Variants in TIAM1 observed in about 807,000 individuals in gnomAD.
TIAM1 encodes rho guanine nucleotide exchange factor TIAM1.
A neutral mutation model predicts 163.5 loss-of-function variants in TIAM1; 65 were observed. The observed-to-expected ratio is 0.40, with a 90% CI of 0.33 to 0.49. TIAM1 has a LOEUF of 0.49. Among genes scored for constraint, TIAM1 ranks in the 20% least tolerant of loss-of-function variants. The pLI is 0.77. For synonymous variants in TIAM1, 833 were observed against 810.1 expected, an observed-to-expected ratio of 1.03 and a Z score of -0.48; for missense variants, 1,789 against 2,044.7, an observed-to-expected ratio of 0.87 and a Z score of 2.41.
At position 31,175,085 on chromosome 21, in the gene TIAM1, G is replaced by A. The variant is rs149065152; in HGVS notation, c.2887+7336C>T. Reference sequence around the variant, plus strand: ...AGCTGCCTGAGTAGCTGGGACTACCGGTGCACACCACCACGCCTGGCTAAT... The same window carrying A: ...AGCTGCCTGAGTAGCTGGGACTACCAGTGCACACCACCACGCCTGGCTAAT... On this transcript the variant is annotated intron_variant, in intron 15 of 27. Transcript: ENST00000541036. Among the ~76,000 whole-genome samples the A allele has an allele frequency of 1.6e-3, 243 of 152,262 alleles. 4 individuals carry two copies. In the East Asian group the frequency reaches 0.036, roughly 23 times the overall value.
intron 15 of TIAM1, among the ~76,000 whole-genome samples, chr21:31,181,843 A>AGT (rs1411306013): frequency 7.8e-6 from 1 of 128,022 alleles, no homozygotes; most frequent in African/African-American, 3.0e-5. Flanking sequence ...GGAATGCAGC[A>AGT]GTGCAATCAC....
chr21:31,460,116 A>G (rs1352463599), intron 2 of TIAM1, among the ~76,000 whole-genome samples: 4 of 152,178 alleles, frequency 2.6e-5, no homozygotes, highest in Admixed American at 6.5e-5. Flanking sequence ...GTAGACTCCA[A>G]CTCCCCAGGA....
At position 31,193,330 on chromosome 21, in the gene TIAM1, A is replaced by T. The variant is rs374893066; in HGVS notation, c.2575+1894T>A. 3.9e-5 allele frequency among the ~76,000 whole-genome samples: 6 copies of T among 152,094 alleles called. No individual in the cohort carries two copies. The South Asian group carries it at 1.0e-3, about 26-fold the overall frequency. On this transcript the variant is annotated intron_variant, in intron 13 of 27. Transcript: ENST00000541036. The stretch of plus-strand genomic sequence containing the variant: ...CCTAAACTGTGGTACAAACAATGGG[A>T]TTTATGGTGAACGCCTACTTTCCTC...
chr21:31,323,015 C>T (rs143434151), intron 2 of TIAM1, among the ~76,000 whole-genome samples: 131 of 152,246 alleles, frequency 8.6e-4, no homozygotes, highest in African/African-American at 2.8e-3. Flanking sequence ...AGAGGCCGGG[C>T]GCAGTGGCTC....
chr21:31,287,048 A>C (rs2073836482), intron 2 of TIAM1, among the ~76,000 whole-genome samples: 1 of 152,188 alleles, frequency 6.6e-6, no homozygotes, highest in South Asian at 2.1e-4. Context: ...ATAATTCTTT[A>C]TTTCATTGAT....
chr21:31,127,609 G>A (rs375611673), intron 25 of TIAM1, among the ~76,000 whole-genome samples: 53 of 152,022 alleles, frequency 3.5e-4, no homozygotes, highest in African/African-American at 1.2e-3. Flanking sequence ...GTAGAGACAG[G>A]GTTTCACCAT....
chr21:31,207,691 A>C (rs1404491237), intron 11 of TIAM1, among the ~76,000 whole-genome samples: 1 of 152,196 alleles, frequency 6.6e-6, no homozygotes, highest in Non-Finnish European at 1.5e-5. Flanking sequence ...GTGCTTTTCC[A>C]AAGACCATCA....
At chr21:31,281,724 T>C (rs2073575325) in intron 2 of TIAM1, among the ~76,000 whole-genome samples, 1 of 151,482 alleles carries the variant, frequency 6.6e-6, no homozygotes, top group Non-Finnish European at 1.5e-5. Context: ...GGACAGACGG[T>C]GATGGATAAT....
chr21:31,315,909 G>A (rs1278605022), intron 2 of TIAM1, among the ~76,000 whole-genome samples: 3 of 152,100 alleles, frequency 2.0e-5, no homozygotes, highest in African/African-American at 4.8e-5. Flanking sequence ...CCTGGGAGGC[G>A]GACGTTGCAG....
At chr21:31,499,925 T>C (rs1477538951) in intron 1 of TIAM1, among the ~76,000 whole-genome samples, 1 of 150,154 alleles carries the variant, frequency 6.7e-6, no homozygotes, top group African/African-American at 2.4e-5. Flanking sequence ...CCCAGCACTT[T>C]GGGAGGTCAA....
At chr21:31,524,177 GAA>G (rs2047701437) in intron 1 of TIAM1, among the ~76,000 whole-genome samples, 1 of 152,150 alleles carries the variant, frequency 6.6e-6, no homozygotes, top group Non-Finnish European at 1.5e-5. Flanking sequence ...AATTTATATA[GAA>G]AAGAGGTTTA....
chr21:31,480,361 G>T (rs936477794), intron 1 of TIAM1, among the ~76,000 whole-genome samples: 3 of 152,196 alleles, frequency 2.0e-5, no homozygotes, highest in African/African-American at 7.2e-5. Context: ...GTCACTATGA[G>T]TTGCATTTTT....
chr21:31,209,923 A>C, intron 11 of TIAM1, 122 bp downstream of exon 11: 1 of 976,136 alleles, frequency 1.0e-6, no homozygotes, highest in Non-Finnish European at 1.5e-6. Context: ...TCCGAAATGA[A>C]AGGGAGGTGT....
At chr21:31,135,902 C>A in intron 23 of TIAM1, 31 bp downstream of exon 23, 1 of 1,581,830 alleles carries the variant, frequency 6.3e-7, no homozygotes, top group South Asian at 1.1e-5. Context: ...TAGACTTTTC[C>A]CCCTCCATAA....
intron 1 of TIAM1, among the ~76,000 whole-genome samples, chr21:31,554,752 C>G (rs1391461578): frequency 1.3e-5 from 2 of 152,204 alleles, no homozygotes; most frequent in Non-Finnish European, 2.9e-5. Context: ...AGCTGAGACC[C>G]CACTCCAGGG....
chr21:31,473,043 G>A (rs2045804391), intron 1 of TIAM1, among the ~76,000 whole-genome samples: 1 of 152,252 alleles, frequency 6.6e-6, no homozygotes, highest in South Asian at 2.1e-4. Flanking sequence ...GCTGGCAAGG[G>A]AATGGCCTCG....
chr21:31,400,039 AAAAC>A (rs2077138478), intron 2 of TIAM1, among the ~76,000 whole-genome samples: 1 of 152,206 alleles, frequency 6.6e-6, no homozygotes, highest in Non-Finnish European at 1.5e-5. Flanking sequence ...TCTACCAAAA[AAAAC>A]AAACAAAAAA....
At chr21:31,211,596 G>A (rs981849920) in intron 10 of TIAM1, among the ~76,000 whole-genome samples, 5 of 152,282 alleles carry the variant, frequency 3.3e-5, no homozygotes, top group South Asian at 2.1e-4. Flanking sequence ...AAACGTTTTC[G>A]TAAAAGCCAT....
rs1266565477 is a variant in TIAM1, at chr21:31,120,621, T to C, written c.4523A>G (p.Asp1508Gly). 3.7e-6 allele frequency: 6 copies of C among 1,614,184 alleles called. No individual in the cohort carries two copies. The highest frequency in any genetic ancestry group is 5.1e-6 in the Non-Finnish European group (6 of 1,180,044). ...DIKETDILSD[D>G]DEFCESVKGA... ...CTTCACGGACTCACAGAACTCATCA[T>C]CGTCACTGAGGATGTCTGTCTCCTT... is the stretch of plus-strand genomic sequence containing the variant. The change falls in exon 28 of 28, where the codon GAT (aspartate) becomes GGT (glycine). Residue 1508 changes from aspartate to glycine, a missense_variant. This residue lies in a region of TIAM1 where 415 missense variants were observed against 439.2 expected (regional missense o/e 0.94). Coordinates refer to ENST00000541036, the MANE Select transcript of TIAM1 (RefSeq NM_001353694.2). The surrounding 1 kb of genome is among the most constrained non-coding windows in gnomAD (Gnocchi z 4.2).
Sources: gnomAD v4.1 joint callset for allele counts (sites outside exome capture counted in the v4.1 genomes callset) on GRCh38, gnomAD v4.1.1 for gene constraint, gnomAD v4.1.1 regional missense constraint, Gnocchi (gnomAD v3.1) non-coding constraint, MANE v1.5 for transcripts, NCBI Gene and HGNC (gene_info 2026-07-23, HGNC 2026-07-21) for gene names.